Variants in RBKS observed in about 807,000 individuals in gnomAD.
RBKS encodes ribokinase.
A neutral mutation model predicts 33.9 loss-of-function variants in RBKS; 33 were observed. That is an observed-to-expected ratio of 0.97 (90% CI 0.74 to 1.30). The LOEUF (loss-of-function observed/expected upper bound fraction) is 1.30, where lower values mean the gene tolerates loss of function less well. RBKS is among the 50% of genes most tolerant of loss of function. RBKS has a pLI of 0.00. For missense variants in RBKS, 361 were observed against 392.6 expected (o/e 0.92, Z 0.68); for synonymous variants, 125 against 143.0 (o/e 0.87, Z 0.90).
At chr2:27,858,366 T>A in intron 2 of RBKS, 73 bp downstream of exon 2, 1 of 1,487,900 alleles carries the variant, frequency 6.7e-7, no homozygotes. Context: ...TTGAAAAAAT[T>A]AAAAACAATG....
intron 7 of RBKS, among the ~76,000 whole-genome samples, chr2:27,801,397 A>C (rs1373839074): frequency 6.7e-6 from 1 of 150,334 alleles, no homozygotes; most frequent in Non-Finnish European, 1.5e-5. Context: ...GTCAAAATCC[A>C]TTCTTGGTGG....
At chr2:27,875,522 C>T (rs1664295561) in intron 1 of RBKS, among the ~76,000 whole-genome samples, 1 of 152,144 alleles carries the variant, frequency 6.6e-6, no homozygotes, top group South Asian at 2.1e-4. Context: ...CACTGCATTC[C>T]GGCCTGGGTG....
At chr2:27,796,083 A>G (rs1258724182) in intron 7 of RBKS, among the ~76,000 whole-genome samples, 1 of 152,180 alleles carries the variant, frequency 6.6e-6, no homozygotes, top group Non-Finnish European at 1.5e-5. Flanking sequence ...GTTAGTGAAA[A>G]TGAAGGTTAG....
intron 5 of RBKS, among the ~76,000 whole-genome samples, chr2:27,842,695 C>T (rs1000806651): frequency 4.6e-5 from 7 of 150,790 alleles, no homozygotes; most frequent in Non-Finnish European, 8.8e-5. Flanking sequence ...TCACTCTTGT[C>T]ACCCAGGCTA....
chr2:27,819,956 A>G (rs1345155175), intron 7 of RBKS, among the ~76,000 whole-genome samples: 1 of 152,206 alleles, frequency 6.6e-6, no homozygotes, highest in Non-Finnish European at 1.5e-5. Context: ...AAGGTAATGG[A>G]GATCTAAGTT....
At chr2:27,821,059 AAAAAAG>A (rs1222253635) in intron 7 of RBKS, among the ~76,000 whole-genome samples, 2 of 151,828 alleles carry the variant, frequency 1.3e-5, no homozygotes, top group Non-Finnish European at 2.9e-5. Flanking sequence ...AAAAAAAAAA[AAAAAAG>A]ATTAGTACTG....
chr2:27,796,348 C>T (rs1677665838), intron 7 of RBKS, among the ~76,000 whole-genome samples: 1 of 152,150 alleles, frequency 6.6e-6, no homozygotes, highest in African/African-American at 2.4e-5. Flanking sequence ...CTCATTGATA[C>T]AACATGATGG....
At chr2:27,823,458 T>G (rs1410206703) in intron 7 of RBKS, among the ~76,000 whole-genome samples, 1 of 152,034 alleles carries the variant, frequency 6.6e-6, no homozygotes, top group Non-Finnish European at 1.5e-5. Context: ...GACTTTTTAA[T>G]AAGGGATTAG....
In RBKS at chr2:27,837,928, G is replaced by C. The variant is rs140676578; in HGVS notation, c.514+5139C>G. Among the ~76,000 whole-genome samples, 1 of 152,140 alleles carries C rather than the reference G, an allele frequency of 6.6e-6. No individual in the cohort carries two copies. The highest frequency in any genetic ancestry group is 1.5e-5 in the Non-Finnish European group (1 of 68,040). On this transcript the variant is annotated intron_variant, in intron 5 of 7. Coordinates refer to ENST00000302188, the MANE Select transcript of RBKS (RefSeq NM_022128.3). This position sits in a 1 kb window ranked among gnomAD's most constrained non-coding sequence, Gnocchi z 4.0. ...AAATCTGCATATGAAGGCCTGGTGC[G>C]GTGGTTCATGCCTGTAATCCCAGTA... is the stretch of plus-strand genomic sequence containing the variant.
At chr2:27,875,907 T>C (rs1664306837) in intron 1 of RBKS, among the ~76,000 whole-genome samples, 1 of 151,724 alleles carries the variant, frequency 6.6e-6, no homozygotes, top group African/African-American at 2.4e-5. Flanking sequence ...CAAAATTGCA[T>C]AAGAGGACAT....
intron 5 of RBKS, among the ~76,000 whole-genome samples, chr2:27,842,477 G>A (rs114225310): frequency 0.018 from 2,683 of 152,186 alleles, 29 homozygotes; most frequent in Non-Finnish European, 0.024. Context: ...TTACAAAAAG[G>A]AGAAAAAACC....
intron 7 of RBKS, among the ~76,000 whole-genome samples, chr2:27,797,337 T>C (rs1677684413): frequency 6.6e-6 from 1 of 152,218 alleles, no homozygotes; most frequent in African/African-American, 2.4e-5. Flanking sequence ...CAGCTTCTTC[T>C]ATAATAATTT....
intron 5 of RBKS, among the ~76,000 whole-genome samples, chr2:27,841,045 G>A (rs1310228570): frequency 6.6e-6 from 1 of 152,094 alleles, no homozygotes; most frequent in Non-Finnish European, 1.5e-5. Flanking sequence ...GTGTGAAGTA[G>A]GCCAAGTGGT....
intron 7 of RBKS, among the ~76,000 whole-genome samples, chr2:27,807,026 A>AACTCC (rs1385115644): frequency 1.3e-5 from 2 of 152,230 alleles, no homozygotes; most frequent in African/African-American, 2.4e-5. Flanking sequence ...CAAGCTAGGG[A>AACTCC]ACTCCACCAT....
intron 6 of RBKS, among the ~76,000 whole-genome samples, chr2:27,829,310 G>A (rs1416206898): frequency 6.6e-6 from 1 of 150,536 alleles, no homozygotes; most frequent in Non-Finnish European, 1.5e-5. Context: ...CTTACTGTGA[G>A]TTGGAAAGCT....
chr2:27,831,788 C>T (rs1048434709), intron 6 of RBKS, among the ~76,000 whole-genome samples: 4 of 152,006 alleles, frequency 2.6e-5, no homozygotes, highest in Non-Finnish European at 4.4e-5. Flanking sequence ...ATTAGCCAAG[C>T]GTGGTGGTCC....
chr2:27,853,994 G>A (rs1165408622), intron 2 of RBKS, among the ~76,000 whole-genome samples: 2 of 152,180 alleles, frequency 1.3e-5, no homozygotes, highest in Non-Finnish European at 2.9e-5. Context: ...TGCATGATCA[G>A]ATGATTCTCC....
intron 2 of RBKS, among the ~76,000 whole-genome samples, chr2:27,851,787 T>C (rs1573064783): frequency 6.6e-6 from 1 of 151,984 alleles, no homozygotes; most frequent in Non-Finnish European, 1.5e-5. Context: ...GATCTGCCCA[T>C]CTCAGCCTCC....
chr2:27,858,401 T>C (rs1437572528), intron 2 of RBKS, 38 bp downstream of exon 2: 1 of 1,550,954 alleles, frequency 6.4e-7, no homozygotes, highest in South Asian at 1.2e-5. Flanking sequence ...AACCAGATTC[T>C]TACCTCTAGA....
Sources: allele counts gnomAD v4.1 joint callset (sites outside exome capture counted in the v4.1 genomes callset), GRCh38; gene constraint gnomAD v4.1.1; non-coding constraint Gnocchi (gnomAD v3.1); transcripts MANE v1.5; gene names NCBI Gene and HGNC (gene_info 2026-07-23, HGNC 2026-07-21).